The following KIF7 variants were observed in gnomAD, a reference collection of about 807,000 sequenced individuals.
KIF7 encodes the protein kinesin family member 7.
A neutral mutation model predicts 135.7 loss-of-function variants in KIF7; 104 were observed. The observed-to-expected ratio is 0.77, with a 90% CI of 0.65 to 0.90. KIF7 has a LOEUF of 0.90. Among genes scored for constraint, KIF7 ranks in the 40% least tolerant of loss-of-function variants. The pLI, the probability that KIF7 is intolerant of heterozygous loss-of-function variation, is 0.00. For missense variants in KIF7, 2,005 were observed against 1,839.1 expected, an observed-to-expected ratio of 1.09 and a Z score of -1.65; for synonymous variants, 883 against 809.4, an observed-to-expected ratio of 1.09 and a Z score of -1.54.
intron 2 of KIF7, 117 bp from the exon 3 acceptor site, chr15:89,650,058 G>T: frequency 9.2e-7 from 1 of 1,082,522 alleles, no homozygotes; most frequent in Non-Finnish European, 1.4e-6. Context: ...GGATGGAGAA[G>T]GCAGTGGCCG....
chr15:89,634,577 G>A (rs903060268), intron 11 of KIF7, among the ~76,000 whole-genome samples: 1 of 152,224 alleles, frequency 6.6e-6, no homozygotes, highest in African/African-American at 2.4e-5. Context: ...GATGGCACCT[G>A]GAAAATCGGG....
At position 89,628,678 on chromosome 15, in the gene KIF7, G is replaced by GCC; in HGVS notation, c.3771_3772dup (p.Ala1258GlyfsTer19). On this transcript the variant is annotated frameshift_variant, in exon 19 of 19. Transcript: ENST00000394412. LOFTEE classifies it low-confidence loss of function (END_TRUNC). ...CCGCGTCTCCTCCCGGGTGCGGGGG[G>GCC]CCCCCTCAGTGAGGGGGGACAGCCA... is the stretch of plus-strand genomic sequence containing the variant. The GCC allele has an allele frequency of 1.2e-6, 2 of 1,612,976 alleles. No homozygotes were observed. Among genetic ancestry groups the GCC allele is most frequent in the Non-Finnish European group, 1.7e-6 (2 of 1,179,882 alleles).
intron 12 of KIF7, 29 bp downstream of exon 12, chr15:89,633,657 G>A: frequency 6.2e-7 from 1 of 1,601,034 alleles, no homozygotes; most frequent in East Asian, 2.2e-5. Context: ...GGCCTGGACA[G>A]AAGGTCCCCA....
downstream of KIF7, chr15:89,626,013 C>A (rs867522684): frequency 6.2e-7 from 1 of 1,613,614 alleles, no homozygotes; most frequent in Middle Eastern, 1.7e-4. Context: ...CCAGTCTCCG[C>A]TGCTGTTCCA....
upstream of KIF7, among the ~76,000 whole-genome samples, chr15:89,658,327 G>C (rs984067): frequency 0.54 from 82,355 of 151,644 alleles, 22,878 homozygotes; most frequent in Non-Finnish European, 0.61. Flanking sequence ...GTGTGCACCT[G>C]TGGTCCCAAC....
chr15:89,648,524 G>C lies in KIF7; in HGVS notation c.1174C>G (p.Pro392Ala), dbSNP rs1596078308. 8.7e-7 allele frequency: 1 copy of C among 1,148,114 alleles called. No individual in the cohort carries two copies. Among genetic ancestry groups the C allele is most frequent in the South Asian group, 2.7e-5 (1 of 36,870 alleles). 71.1% of individuals were successfully genotyped at this position (1,148,114 alleles called of 1,614,324 possible). A position where few individuals can be genotyped will look rare whatever the true frequency, so the allele number is the denominator to read the frequency against. The change falls in exon 5 of 19, where the codon CCA becomes GCA. Residue 392 changes from proline (P) to alanine (A), a missense_variant. Coordinates refer to ENST00000394412, the MANE Select transcript of KIF7 (RefSeq NM_198525.3). ...TRIIHRGRRAPGPATASAAAA... is the reference protein window; with the variant it reads ...TRIIHRGRRAAGPATASAAAA... ...GCCGCGGAGGCGGTGGCTGGGCCTG[G>C]GGCGCGCCGGCCGCGGTGGATGATG...
At chr15:89,623,965 A>T, downstream of KIF7, 1 of 1,614,012 alleles carries the variant, frequency 6.2e-7, no homozygotes, top group Non-Finnish European at 8.5e-7. Context: ...AGTGAATTCC[A>T]GTCCAGAAAG....
chr15:89,648,376 C>G lies in KIF7; in HGVS notation c.1322G>C (p.Arg441Pro). 2.5e-6 allele frequency: 3 copies of G among 1,219,236 alleles called. No homozygotes were observed. The highest frequency in any genetic ancestry group is 3.1e-6 in the Non-Finnish European group (3 of 976,774). 75.5% of individuals were successfully genotyped at this position (1,219,236 alleles called of 1,614,324 possible). Residue 441 changes from arginine to proline, a missense_variant, in exon 5 of 19, where the codon CGC (arginine) becomes CCC (proline). Arg to Pro is a moderately radical substitution (Grantham distance 103). Transcript: ENST00000394412. ...GLPGAAARKV[R>P]DWLCAVEGER... ...GCCCTCGACGGCGCACAGCCAGTCG[C>G]GCACCTTGCGGGCGGCGGCGCCGGG...
chr15:89,647,652 C>G lies in KIF7; in HGVS notation c.1504G>C (p.Glu502Gln). ...LQNQVARLEE[E>Q]NRDFLAALED... The stretch of plus-strand genomic sequence containing the variant: ...AGCGCAGCCAGAAAGTCTCGGTTCT[C>G]CTCCTCCAGCCGCGCCACCTGGTTC... Residue 502 changes from glutamate (E) to glutamine (Q), a missense_variant, in exon 6 of 19, where the codon GAG (glutamate) becomes CAG (glutamine). Transcript: ENST00000394412. 1 of 1,611,162 alleles carries G rather than the reference C, an allele frequency of 6.2e-7. No homozygotes were observed. The highest frequency in any genetic ancestry group is 8.5e-7 in the Non-Finnish European group (1 of 1,179,838).
At chr15:89,658,644 C>A (rs1964229428), upstream of KIF7, among the ~76,000 whole-genome samples, 1 of 152,058 alleles carries the variant, frequency 6.6e-6, no homozygotes, top group South Asian at 2.1e-4. Flanking sequence ...AGGCAGATAA[C>A]TTGAGCTGAA....
At chr15:89,647,091 G>C (rs1421554121) in intron 6 of KIF7, 34 bp from the exon 7 acceptor site, 1 of 1,516,590 alleles carries the variant, frequency 6.6e-7, no homozygotes, top group Non-Finnish European at 8.9e-7. Flanking sequence ...AAGGGGGCAT[G>C]AATGCCCCGA....
At position 89,622,588 on chromosome 15, in the gene KIF7, C is replaced by T. The variant is rs528952023; in HGVS notation, c.181-4393G>A. Among the ~76,000 whole-genome samples, 3 of 152,266 alleles carry T rather than the reference C, an allele frequency of 2.0e-5. No individual in the cohort carries two copies. The East Asian group carries it at 5.8e-4, about 29-fold the overall frequency. On this transcript the variant is annotated intron_variant and NMD_transcript_variant, in intron 1 of 2. Transcript: ENST00000558928. The stretch of plus-strand genomic sequence containing the variant: ...TAAATTGCTTGGAGGTTGGGAAAGA[C>T]ATAGAGCTCTGGAGAAGGGTCTGAA...
Position 89,628,465 on chromosome 15 carries a change from C to G in KIF7, c.3986G>C (p.Arg1329Pro), listed in dbSNP as rs202214398. 17 of 1,609,458 alleles carry G rather than the reference C, an allele frequency of 1.1e-5. No homozygotes were observed. The highest frequency in any genetic ancestry group is 1.7e-5 in the Admixed American group (1 of 59,800). Reference sequence around the variant, plus strand: ...ATCAATCATCCCCGGGCTGGCTCGTCGCAGTTCCCGCCGGGGCTTGGACAA... The same window carrying G: ...ATCAATCATCCCCGGGCTGGCTCGTGGCAGTTCCCGCCGGGGCTTGGACAA... ...GPLSKPRRELRRASPGMIDVR... is the reference protein window; with the variant it reads ...GPLSKPRRELPRASPGMIDVR... Residue 1329 changes from arginine (R) to proline (P), a missense_variant, in exon 19 of 19, where the codon CGA (arginine) becomes CCA (proline). Arg to Pro is a moderately radical substitution (Grantham distance 103, BLOSUM62 -2). Coordinates refer to ENST00000394412, the MANE Select transcript of KIF7 (RefSeq NM_198525.3).
intron 2 of KIF7, 127 bp downstream of exon 2, chr15:89,652,475 GA>G (rs1262826256): frequency 7.9e-6 from 6 of 762,184 alleles, no homozygotes; most frequent in Non-Finnish European, 1.3e-5. Context: ...CCCTGTCTAG[GA>G]AATCGACTCT....
intron 6 of KIF7, 50 bp from the exon 7 acceptor site, chr15:89,647,107 A>G (rs1964028534): frequency 1.3e-6 from 2 of 1,487,508 alleles, no homozygotes; most frequent in South Asian, 1.2e-5. Flanking sequence ...CCCGACAGGC[A>G]GGAGTGTAGG....
At chr15:89,638,473 C>T (rs1963855528) in intron 11 of KIF7, among the ~76,000 whole-genome samples, 1 of 150,784 alleles carries the variant, frequency 6.6e-6, no homozygotes, top group Non-Finnish European at 1.5e-5. Flanking sequence ...AATCAATGTA[C>T]AAAAATCACA....
At chr15:89,618,521 T>G (rs1000810977) in intron 1 of KIF7, among the ~76,000 whole-genome samples, 4 of 152,250 alleles carry the variant, frequency 2.6e-5, no homozygotes, top group African/African-American at 9.6e-5. Context: ...TCACTACATA[T>G]TTTTTCAAGA....
chr15:89,660,898 G>A, the KIF7 span, among the ~76,000 whole-genome samples: 4 of 152,164 alleles, frequency 2.6e-5, no homozygotes, highest in Non-Finnish European at 4.4e-5. Context: ...TAGCCACTGA[G>A]CCCTTATCCT....
At position 89,633,741 on chromosome 15, in the gene KIF7, G is replaced by A. The variant is rs151034440; in HGVS notation, c.2537C>T (p.Thr846Met). The A allele has an allele frequency of 2.9e-5, 46 of 1,609,218 alleles. No homozygotes were observed. The highest frequency in any genetic ancestry group is 1.7e-4 in the Middle Eastern group (1 of 6,004). ...GQLQRRLREETEQKRRLEAEM... is the reference protein window; with the variant it reads ...GQLQRRLREEMEQKRRLEAEM... ...TGCCTCCAGGCGCCGCTTCTGCTCC[G>A]TCTCCTCGCGAAGCCGCCTCTGCAG... Residue 846 changes from threonine (T) to methionine (M), a missense_variant, in exon 12 of 19, where the codon ACG (threonine) becomes ATG (methionine). Transcript: ENST00000394412.
Sources: allele counts gnomAD v4.1 joint callset (sites outside exome capture counted in the v4.1 genomes callset), GRCh38; gene constraint gnomAD v4.1.1; transcripts MANE v1.5; gene names NCBI Gene and HGNC (gene_info 2026-07-23, HGNC 2026-07-21).